The following TFIP11 variants were observed in gnomAD, a reference collection of about 807,000 sequenced individuals.
TFIP11 encodes the protein tuftelin interacting protein 11.
TFIP11 carries 86 observed loss-of-function variants against 96.8 expected under a neutral mutation model. That is an observed-to-expected ratio of 0.89 (90% confidence interval 0.75 to 1.06). The LOEUF (loss-of-function observed/expected upper bound fraction) is 1.06. Ranked by LOEUF, TFIP11 falls within the 50% of genes least tolerant of loss-of-function variation. The probability of loss-of-function intolerance (pLI) is 0.00; values close to 1 mark genes in which losing one functional copy is unlikely to be tolerated. For missense variants in TFIP11, 881 were observed against 1,076.7 expected, an observed-to-expected ratio of 0.82 and a Z score of 2.54; for synonymous variants, 405 against 395.2, an observed-to-expected ratio of 1.02 and a Z score of -0.29.
At chr22:26,510,934 AC>A (rs975064457) in intron 2 of TFIP11, among the ~76,000 whole-genome samples, 4 of 152,320 alleles carry the variant, frequency 2.6e-5, no homozygotes, top group African/African-American at 9.6e-5. Flanking sequence ...TAACTACCAT[AC>A]CAACCTTAGA....
chr22:26,494,492 G>T, intron 13 of TFIP11, 188 bp from the exon 14 acceptor site: 1 of 744,622 alleles, frequency 1.3e-6, no homozygotes, highest in Non-Finnish European at 2.2e-6. Context: ...TAGCTAAAGT[G>T]CCCTTGCATG....
In TFIP11 at chr22:26,496,900, A is replaced by C; in HGVS notation, c.1437-11T>G. 1 of 1,613,506 alleles carries C rather than the reference A, an allele frequency of 6.2e-7. No homozygotes were observed. Among genetic ancestry groups the C allele is most frequent in the Non-Finnish European group, 8.5e-7 (1 of 1,179,966 alleles). Reference sequence around the variant, plus strand: ...ACTTCCCATATCAACCTATGGGAGAAAGGCAGAGGACAGGCTGGTTAATTA... The same window carrying C: ...ACTTCCCATATCAACCTATGGGAGACAGGCAGAGGACAGGCTGGTTAATTA... On this transcript the variant is annotated splice_polypyrimidine_tract_variant and intron_variant, in intron 10 of 14. Coordinates refer to ENST00000407690, the MANE Select transcript of TFIP11 (RefSeq NM_012143.4).
At chr22:26,503,868 G>T in intron 6 of TFIP11, 75 bp from the exon 7 acceptor site, 1 of 1,569,730 alleles carries the variant, frequency 6.4e-7, no homozygotes, top group Admixed American at 1.8e-5. Flanking sequence ...GCCACTCAGT[G>T]AAATGACAGT....
intron 6 of TFIP11, among the ~76,000 whole-genome samples, chr22:26,504,395 T>C (rs1033717183): frequency 2.0e-5 from 3 of 152,176 alleles, no homozygotes; most frequent in African/African-American, 7.2e-5. Context: ...TTCCATTTAG[T>C]TCCACTGAAG....
intron 14 of TFIP11, 40 bp downstream of exon 14, chr22:26,494,099 A>AAATTTG: frequency 6.2e-7 from 1 of 1,606,472 alleles, no homozygotes; most frequent in Non-Finnish European, 8.5e-7. Flanking sequence ...AAAATCTGAA[A>AAATTTG]CTTGGGGCCA....
At chr22:26,500,211 C>A (rs111270138) in intron 8 of TFIP11, among the ~76,000 whole-genome samples, 2 of 152,018 alleles carry the variant, frequency 1.3e-5, no homozygotes, top group African/African-American at 2.4e-5. Flanking sequence ...GCTCTGTTGC[C>A]CAGGCTGGAA....
chr22:26,503,236 C>T (rs1365702155), intron 7 of TFIP11, among the ~76,000 whole-genome samples: 1 of 152,064 alleles, frequency 6.6e-6, no homozygotes, highest in Non-Finnish European at 1.5e-5. Context: ...TTGTGTACCG[C>T]CCTCCCACCG....
At chr22:26,503,002 T>G (rs1922977467) in intron 7 of TFIP11, among the ~76,000 whole-genome samples, 2 of 152,238 alleles carry the variant, frequency 1.3e-5, no homozygotes, top group Non-Finnish European at 2.9e-5. Context: ...AAGAGTAACA[T>G]GTCTCTTTGC....
chr22:26,512,394 C>T lies in TFIP11; in HGVS notation c.-173G>A, dbSNP rs1392767296. ...TCCCCTTGTGGCCAGCCGTGCTCAC[C>T]TGTCCGAGGGTCCAGCGTACCAAAT... On this transcript the variant is annotated splice_region_variant and 5_prime_UTR_variant, in exon 1 of 15. Transcript: ENST00000407690. The T allele has an allele frequency of 1.3e-5, 2 of 152,308 alleles. No homozygotes were observed. Among genetic ancestry groups the T allele is most frequent in the Non-Finnish European group, 2.9e-5 (2 of 68,104 alleles). The allele number at this position is 152,308 out of a possible 1,614,324, so 9.4% of individuals were successfully genotyped here.
At chr22:26,509,634 T>A (rs974729514) in intron 4 of TFIP11, among the ~76,000 whole-genome samples, 8 of 152,108 alleles carry the variant, frequency 5.3e-5, no homozygotes, top group African/African-American at 1.7e-4. Flanking sequence ...GGTGGGTGGA[T>A]CACTTGAGGT....
Position 26,497,020 on chromosome 22 carries a change from C to G in TFIP11, c.1437-131G>C, listed in dbSNP as rs1922154102. The G allele has an allele frequency of 3.6e-6, 4 of 1,110,148 alleles. No homozygotes were observed. The South Asian group carries it at 6.0e-5, about 17-fold the overall frequency. 68.8% of individuals were successfully genotyped at this position (1,110,148 alleles called of 1,614,324 possible). A position where few individuals can be genotyped will look rare whatever the true frequency, so the allele number is the denominator to read the frequency against. On this transcript the variant is annotated intron_variant, in intron 10 of 14. Transcript: ENST00000407690. ...TGGAAATCCAATCAGAGGAAACCAT[C>G]AGGCCAGTCACCATACTGGCCAGAC... is the stretch of plus-strand genomic sequence containing the variant.
In TFIP11 at chr22:26,506,771, C is replaced by T. The variant is rs1923465641; in HGVS notation, c.363+4G>A. 6.2e-7 allele frequency: 1 copy of T among 1,614,032 alleles called. No individual in the cohort carries two copies. On this transcript the variant is annotated splice_donor_region_variant and intron_variant, in intron 5 of 14. Transcript: ENST00000407690. ...TAGGGTCACAATCCTGCAATAGAGA[C>T]TACCGTTTTTAGCTTCCTTGGTCCA... is the stretch of plus-strand genomic sequence containing the variant.
At position 26,492,058 on chromosome 22, in the gene TFIP11, C is replaced by G; in HGVS notation, c.2469G>C (p.Thr823=). The G allele has an allele frequency of 6.2e-7, 1 of 1,609,062 alleles. No homozygotes were observed. Reference sequence around the variant, plus strand: ...GGCTCTGCAGTGAGGTGGGCACCCACGTCTTCTCGCCCTGGACAAAGACCA... The same window carrying G: ...GGCTCTGCAGTGAGGTGGGCACCCAGGTCTTCTCGCCCTGGACAAAGACCA... ...RGVVFVQGEK[T]WVPTSLQSLI... Residue 823 remains threonine, a synonymous_variant, in exon 15 of 15, where the codon ACG becomes ACC. Coordinates refer to ENST00000407690, the MANE Select transcript of TFIP11 (RefSeq NM_012143.4).
intron 4 of TFIP11, among the ~76,000 whole-genome samples, chr22:26,507,129 T>C (rs769319913): frequency 3.9e-5 from 6 of 152,238 alleles, no homozygotes; most frequent in Non-Finnish European, 7.3e-5. Flanking sequence ...TTTAACATTT[T>C]ACCTGACATA....
intron 13 of TFIP11, 114 bp from the exon 14 acceptor site, chr22:26,494,418 T>C (rs1602195162): frequency 2.4e-6 from 3 of 1,249,988 alleles, no homozygotes; most frequent in East Asian, 4.8e-5. Flanking sequence ...GACACTACTT[T>C]ACAGGGATTT....
In TFIP11 at chr22:26,499,555, T is replaced by G. The variant is rs1443113220; in HGVS notation, c.878A>C (p.Asp293Ala). 1 of 1,614,076 alleles carries G rather than the reference T, an allele frequency of 6.2e-7. No homozygotes were observed. Among genetic ancestry groups the G allele is most frequent in the East Asian group, 2.2e-5 (1 of 44,904 alleles). ...SQISHKHNVP[D>A]DGLPLQSQQL... ...TTGGGACTGTAGCGGCAGCCCATCA[T>G]CGGGAACGTTGTGCTTGTGGCTGAT... is the stretch of plus-strand genomic sequence containing the variant. The change falls in exon 9 of 15, where the codon GAT becomes GCT. Residue 293 changes from aspartate to alanine, a missense_variant. Transcript: ENST00000407690.
In TFIP11 at chr22:26,496,759, T is replaced by A. The variant is rs1569158064; in HGVS notation, c.1567A>T (p.Ile523Leu). The A allele has an allele frequency of 6.2e-7, 1 of 1,613,212 alleles. No homozygotes were observed. The change falls in exon 11 of 15, where the codon ATA (isoleucine) becomes TTA (leucine). Residue 523 changes from isoleucine (I) to leucine (L), a missense_variant. Physicochemically the swap from Ile to Leu is conservative, Grantham distance 5 (BLOSUM62 2). Coordinates refer to ENST00000407690, the MANE Select transcript of TFIP11 (RefSeq NM_012143.4). Reference sequence around the variant, plus strand: ...TTGGGGAAGATGAGTTGGTCCAGTATGTTATCTAAGATCCACACAGGAATA... The same window carrying A: ...TTGGGGAAGATGAGTTGGTCCAGTAAGTTATCTAAGATCCACACAGGAATA... ...HIIPVWILDN[I>L]LDQLIFPKLQ...
At position 26,494,255 on chromosome 22, in the gene TFIP11, T is replaced by A. The variant is rs747766013; in HGVS notation, c.2042A>T (p.Lys681Met). 7 of 1,614,108 alleles carry A rather than the reference T, an allele frequency of 4.3e-6. No individual in the cohort carries two copies. The African/African-American group carries it at 9.3e-5, about 22-fold the overall frequency. Residue 681 changes from lysine (K) to methionine (M), a missense_variant, in exon 14 of 15, where the codon AAG becomes ATG. Physicochemically the swap from Lys to Met is moderately conservative, Grantham distance 95. Transcript: ENST00000407690. ...CATCGACTTCCAACCCAGGTACCACTTGGTGATCTCCTCATAATTTGGGCT... is the reference window on the plus strand; with the variant it reads ...CATCGACTTCCAACCCAGGTACCACATGGTGATCTCCTCATAATTTGGGCT... ...SNSPNYEEIT[K>M]WYLGWKSMFS...
At chr22:26,507,649 A>T (rs1157693755) in intron 4 of TFIP11, among the ~76,000 whole-genome samples, 1 of 151,606 alleles carries the variant, frequency 6.6e-6, no homozygotes, top group East Asian at 1.9e-4. Flanking sequence ...AAAAAAAAGA[A>T]AAGAAAATTA....
Sources: allele counts gnomAD v4.1 joint callset (sites outside exome capture counted in the v4.1 genomes callset), GRCh38; gene constraint gnomAD v4.1.1; transcripts MANE v1.5; gene names NCBI Gene and HGNC (gene_info 2026-07-23, HGNC 2026-07-21).